Variants in TEX15 observed in about 807,000 individuals in gnomAD.
TEX15 encodes testis expressed 15, meiosis and synapsis associated.
Under a neutral mutation model 237.3 loss-of-function variants are expected in TEX15, and 171 were observed. The ratio of observed to expected loss-of-function variants is 0.72; its 90% CI spans 0.64 to 0.82. TEX15 has a LOEUF of 0.82. Ranked by LOEUF, TEX15 falls within the 40% of genes least tolerant of loss-of-function variation. TEX15 has a pLI of 0.00. For synonymous variants in TEX15, 1,338 were observed against 1,269.8 expected (o/e 1.05, Z -1.14); for missense variants, 3,750 against 3,646.5 (o/e 1.03, Z -0.73).
At position 30,831,569 on chromosome 8, in the gene TEX15, A is replaced by C. The variant is rs1181649617; in HGVS notation, c.*1717T>G. 1 of 152,200 alleles carries C rather than the reference A, an allele frequency of 6.6e-6. No individual in the cohort carries two copies. The highest frequency in any genetic ancestry group is 2.4e-5 in the African/African-American group (1 of 41,442). The allele number at this position is 152,200 out of a possible 1,614,324, so 9.4% of individuals were successfully genotyped here. On this transcript the variant is annotated 3_prime_UTR_variant, in exon 11 of 11. Transcript: ENST00000643185. ...TTGAAGCAAAAATATTCCATGTTTT[A>C]ATATTCTGTCACGTACAGATTTTTT...
At chr8:30,880,520 A>C (rs1027904707) in intron 3 of TEX15, among the ~76,000 whole-genome samples, 1 of 152,128 alleles carries the variant, frequency 6.6e-6, no homozygotes, top group African/African-American at 2.4e-5. Flanking sequence ...TAGCCTACTC[A>C]ATGTGAAGAT....
At chr8:30,859,685 T>A (rs1006745444) in intron 6 of TEX15, among the ~76,000 whole-genome samples, 2 of 152,114 alleles carry the variant, frequency 1.3e-5, no homozygotes, top group African/African-American at 2.4e-5. Flanking sequence ...CTATATAATA[T>A]CTAAATAAAA....
intron 7 of TEX15, 76 bp from the exon 8 acceptor site, chr8:30,849,392 C>T: frequency 1.3e-6 from 1 of 791,268 alleles, no homozygotes; most frequent in Admixed American, 3.2e-5. Flanking sequence ...TACATTGTGT[C>T]CAGTAATTTT....
At chr8:30,849,465 G>A (rs1807719368) in intron 7 of TEX15, 149 bp from the exon 8 acceptor site, 3 of 496,874 alleles carry the variant, frequency 6.0e-6, no homozygotes, top group Non-Finnish European at 1.0e-5. Flanking sequence ...AAAAAGCAAA[G>A]AGAGAAGGGG....
intron 3 of TEX15, among the ~76,000 whole-genome samples, chr8:30,879,652 G>A (rs1165674073): frequency 6.6e-6 from 1 of 152,158 alleles, no homozygotes; most frequent in East Asian, 1.9e-4. Context: ...TATTTCTGTG[G>A]TCACATTGTC....
At chr8:30,835,231 A>T (rs1179283624) in intron 10 of TEX15, among the ~76,000 whole-genome samples, 4 of 151,906 alleles carry the variant, frequency 2.6e-5, no homozygotes, top group African/African-American at 9.7e-5. Context: ...CACCTTCCTG[A>T]GTAGCTGGGA....
Position 30,887,148 on chromosome 8 carries a change from C to A in TEX15, c.136+19G>T. 6.6e-7 allele frequency: 1 copy of A among 1,516,556 alleles called. No individual in the cohort carries two copies. The highest frequency in any genetic ancestry group is 2.2e-5 in the Admixed American group (1 of 45,862). The allele number at this position is 1,516,556 out of a possible 1,614,324, so 93.9% of individuals were successfully genotyped here. Reference sequence around the variant, plus strand: ...ACAGTAATAGTTACTAAAAAAATTCCCAACCACAGAAATATTACCTTTCTC... The same window carrying A: ...ACAGTAATAGTTACTAAAAAAATTCACAACCACAGAAATATTACCTTTCTC... On this transcript the variant is annotated intron_variant, in intron 3 of 10. Transcript: ENST00000643185.
chr8:30,843,585 T>C lies in TEX15; in HGVS notation c.6582A>G (p.Pro2194=). ...CTCCAAAGTTAACTCCACAGGTAAATGGAACAGAAAGAGAAAAATCAAAGC... is the reference window on the plus strand; with the variant it reads ...CTCCAAAGTTAACTCCACAGGTAAACGGAACAGAAAGAGAAAAATCAAAGC... ...SDCFDFSLSV[P]FTCGVNFGDS... Residue 2194 remains proline, a synonymous_variant, in exon 8 of 11, where the codon CCA becomes CCG. Coordinates refer to ENST00000643185, the MANE Select transcript of TEX15 (RefSeq NM_001350162.2). 6.2e-7 allele frequency: 1 copy of C among 1,613,114 alleles called. No individual in the cohort carries two copies. The highest frequency in any genetic ancestry group is 1.1e-5 in the South Asian group (1 of 91,038).
At chr8:30,889,268 T>C (rs993216998) in intron 2 of TEX15, among the ~76,000 whole-genome samples, 2 of 152,086 alleles carry the variant, frequency 1.3e-5, no homozygotes, top group African/African-American at 4.8e-5. Flanking sequence ...TTGGCCAATA[T>C]AGTGAAACTC....
At chr8:30,882,254 A>T (rs998282609) in intron 3 of TEX15, among the ~76,000 whole-genome samples, 1 of 152,058 alleles carries the variant, frequency 6.6e-6, no homozygotes, top group African/African-American at 2.4e-5. Flanking sequence ...TTCTGTTTGC[A>T]TGTTGTCAGA....
Position 30,843,190 on chromosome 8 carries a change from G to T in TEX15, c.6977C>A (p.Pro2326Gln). ...CTCCTCAAGCCCAATAGGGGAAATT[G>T]GTTCATTGTTTAAATCTTTAGACAA... ...DTLSKDLNNE[P>Q]ISPIGLEEDT... The change falls in exon 8 of 11, where the codon CCA (proline) becomes CAA (glutamine). Residue 2326 changes from proline (P) to glutamine (Q), a missense_variant. Physicochemically the swap from Pro to Gln is moderately conservative, Grantham distance 76. Coordinates refer to ENST00000643185, the MANE Select transcript of TEX15 (RefSeq NM_001350162.2). The T allele has an allele frequency of 1.2e-6, 2 of 1,613,332 alleles. No homozygotes were observed. Among genetic ancestry groups the T allele is most frequent in the Non-Finnish European group, 1.7e-6 (2 of 1,179,592 alleles).
At chr8:30,900,165 T>C (rs1808980876) in intron 1 of TEX15, among the ~76,000 whole-genome samples, 1 of 152,228 alleles carries the variant, frequency 6.6e-6, no homozygotes, top group Non-Finnish European at 1.5e-5. Flanking sequence ...GAACATCTTA[T>C]CCTTTACTGA....
Position 30,847,012 on chromosome 8 carries a change from A to G in TEX15, c.3155T>C (p.Leu1052Pro). The change falls in exon 8 of 11, where the codon CTT becomes CCT. Residue 1052 changes from leucine to proline, a missense_variant. Leu to Pro is a moderately conservative substitution (Grantham distance 98). Transcript: ENST00000643185. ...TTCACTTTCCAATTCAATGCTCTGA[A>G]GAACTAAGTTCTCATTTATTGATTG... ...FHQSINENLV[L>P]QSIELESEIE... 6.2e-7 allele frequency: 1 copy of G among 1,613,452 alleles called. No homozygotes were observed. Among genetic ancestry groups the G allele is most frequent in the Non-Finnish European group, 8.5e-7 (1 of 1,179,536 alleles).
intron 5 of TEX15, among the ~76,000 whole-genome samples, chr8:30,865,317 G>C (rs1808136462): frequency 6.6e-6 from 1 of 152,006 alleles, no homozygotes; most frequent in Admixed American, 6.6e-5. Flanking sequence ...GATCAAAACA[G>C]TAATAAAGTC....
chr8:30,837,512 T>C lies in TEX15; in HGVS notation c.8772A>G (p.Val2924=). Residue 2924 remains valine (V), a synonymous_variant, in exon 10 of 11, where the codon GTA becomes GTG. Coordinates refer to ENST00000643185, the MANE Select transcript of TEX15 (RefSeq NM_001350162.2). ...TVFELQDNDI[V]NSSIKNSSCM... is the part of the protein sequence containing the mutation. ...ATGAGGAATTTTTAATAGATGAATT[T>C]ACTATATCATTATCTTGAAGTTCAA... 1.2e-6 allele frequency: 2 copies of C among 1,613,020 alleles called. No homozygotes were observed. The highest frequency in any genetic ancestry group is 8.5e-7 in the Non-Finnish European group (1 of 1,179,118).
intron 2 of TEX15, among the ~76,000 whole-genome samples, chr8:30,897,905 C>T (rs1808936288): frequency 6.6e-6 from 1 of 152,158 alleles, no homozygotes; most frequent in Admixed American, 6.6e-5. Context: ...CTCAAGCAAT[C>T]CTCCTGCCTC....
At chr8:30,899,772 TTAAACCC>T (rs1376648403) in intron 1 of TEX15, among the ~76,000 whole-genome samples, 6 of 152,122 alleles carry the variant, frequency 3.9e-5, no homozygotes, top group Non-Finnish European at 5.9e-5. Flanking sequence ...CTAGAGGCAT[TTAAACCC>T]TAACTCTGAC....
At chr8:30,909,400 C>CCCT in intron 1 of TEX15, among the ~76,000 whole-genome samples, 1 of 142,740 alleles carries the variant, frequency 7.0e-6, no homozygotes, top group Non-Finnish European at 1.5e-5. Context: ...ACAGACCCCC[C>CCCT]CCCGCCCCCA....
rs1175352135 is a variant in TEX15 at position 30,839,493 on chromosome 8, C to CT, written c.8222+412dup. Among the ~76,000 whole-genome samples, 12 of 151,930 alleles carry CT rather than the reference C, an allele frequency of 7.9e-5. No individual in the cohort carries two copies. The East Asian group carries it at 1.5e-3, about 20-fold the overall frequency. On this transcript the variant is annotated intron_variant, in intron 9 of 10. Coordinates refer to ENST00000643185, the MANE Select transcript of TEX15 (RefSeq NM_001350162.2). Reference sequence around the variant, plus strand: ...AAAGTCCCTTTTTGATTTTAGAAGTCTTTTTTTGGTAAACCACTTACTAAG... The same window carrying CT: ...AAAGTCCCTTTTTGATTTTAGAAGTCTTTTTTTTGGTAAACCACTTACTAAG...
Sources: allele counts gnomAD v4.1 joint callset (sites outside exome capture counted in the v4.1 genomes callset), GRCh38; gene constraint gnomAD v4.1.1; transcripts MANE v1.5; gene names NCBI Gene and HGNC (gene_info 2026-07-23, HGNC 2026-07-21).